Variants in CA10 observed in about 807,000 individuals in gnomAD.
CA10 encodes carbonic anhydrase-related protein 10.
A neutral mutation model predicts 44.2 loss-of-function variants in CA10; 14 were observed. The observed-to-expected ratio is 0.32, with a 90% CI of 0.21 to 0.50. The LOEUF (loss-of-function observed/expected upper bound fraction) is 0.50. Ranked by LOEUF, CA10 falls within the 20% of genes least tolerant of loss-of-function variation. The pLI is 0.99. For synonymous variants in CA10, 159 were observed against 141.6 expected (o/e 1.12, Z -0.87); for missense variants, 350 against 409.7 (o/e 0.85, Z 1.26).
chr17:51,802,861 G>T (rs990815858), intron 3 of CA10, among the ~76,000 whole-genome samples: 4 of 152,128 alleles, frequency 2.6e-5, no homozygotes, highest in Non-Finnish European at 4.4e-5. Flanking sequence ...AGCTCTATCT[G>T]CTTCCAGGCT....
chr17:51,789,626 T>C (rs1423378048), intron 3 of CA10, among the ~76,000 whole-genome samples: 1 of 152,134 alleles, frequency 6.6e-6, no homozygotes, highest in Non-Finnish European at 1.5e-5. Context: ...CTCTGCCCAC[T>C]CTTGCCTCCA....
chr17:51,758,944 T>G (rs79412789), intron 3 of CA10, among the ~76,000 whole-genome samples: 1 of 152,118 alleles, frequency 6.6e-6, no homozygotes, highest in African/African-American at 2.4e-5. Flanking sequence ...CTGTCCGATT[T>G]CAAAGTCAAT....
chr17:51,735,419 G>C (rs1190696605), intron 4 of CA10, among the ~76,000 whole-genome samples: 1 of 152,096 alleles, frequency 6.6e-6, no homozygotes, highest in East Asian at 1.9e-4. Flanking sequence ...TTGAAGAACT[G>C]ACTGATGGGT....
At position 52,131,707 on chromosome 17, in the gene CA10, C is replaced by T. The variant is rs574786458; in HGVS notation, c.61+26019G>A. Among the ~76,000 whole-genome samples the T allele has an allele frequency of 2.6e-4, 40 of 152,232 alleles. No homozygotes were observed. The East Asian group carries it at 6.6e-3, about 25-fold the overall frequency. On this transcript the variant is annotated intron_variant, in intron 1 of 8. Coordinates refer to ENST00000451037, the MANE Select transcript of CA10 (RefSeq NM_020178.5). ...AACTGGGTAACTTTCATTCTTTTAA[C>T]TTAAATCAGTTTCTGGATTTAGTTT...
At chr17:52,010,499 C>G (rs1385248272) in intron 2 of CA10, among the ~76,000 whole-genome samples, 1 of 151,828 alleles carries the variant, frequency 6.6e-6, no homozygotes, top group Non-Finnish European at 1.5e-5. Flanking sequence ...TGGAGATTAT[C>G]AATCTAAGGG....
At chr17:51,886,949 A>G (rs994399501) in intron 3 of CA10, among the ~76,000 whole-genome samples, 5 of 152,168 alleles carry the variant, frequency 3.3e-5, no homozygotes, top group African/African-American at 1.2e-4. Context: ...TACTTATGCC[A>G]TCAGCTCCCC....
At chr17:52,054,594 C>T (rs1306079584) in intron 2 of CA10, among the ~76,000 whole-genome samples, 1 of 152,044 alleles carries the variant, frequency 6.6e-6, no homozygotes, top group Non-Finnish European at 1.5e-5. Flanking sequence ...CTAACAAAAA[C>T]TTGCTGGTTT....
chr17:51,678,983 G>A (rs776384748), intron 4 of CA10, among the ~76,000 whole-genome samples: 1 of 152,178 alleles, frequency 6.6e-6, no homozygotes, highest in Non-Finnish European at 1.5e-5. Flanking sequence ...GTAGACTTAA[G>A]CTTTCTCCGT....
chr17:51,930,174 G>A (rs990977081), intron 3 of CA10, among the ~76,000 whole-genome samples: 3 of 152,036 alleles, frequency 2.0e-5, no homozygotes, highest in Admixed American at 1.3e-4. Context: ...ATTATCAAAA[G>A]TTGTCAATAA....
chr17:51,882,410 A>C (rs1393132854), intron 3 of CA10, among the ~76,000 whole-genome samples: 3 of 152,290 alleles, frequency 2.0e-5, no homozygotes, highest in East Asian at 1.9e-4. Context: ...GAATTGTCCC[A>C]AAACCTCAGC....
At chr17:51,748,302 C>T (rs185270451) in intron 3 of CA10, 6 of 169,530 alleles carry the variant, frequency 3.5e-5, no homozygotes, top group South Asian at 3.8e-4. Context: ...AATTCTCAAG[C>T]GTCCTATCTG....
intron 2 of CA10, among the ~76,000 whole-genome samples, chr17:51,981,527 A>G (rs1469554205): frequency 2.0e-5 from 3 of 152,000 alleles, no homozygotes; most frequent in Non-Finnish European, 4.4e-5. Flanking sequence ...AGAGTGGTTG[A>G]TTGAGAAAGG....
At chr17:51,921,671 A>T (rs1982239954) in intron 3 of CA10, among the ~76,000 whole-genome samples, 2 of 152,268 alleles carry the variant, frequency 1.3e-5, no homozygotes, top group Admixed American at 6.5e-5. Flanking sequence ...CAATGGCCTC[A>T]CTTGTCATGG....
intron 4 of CA10, among the ~76,000 whole-genome samples, chr17:51,692,403 CTATCTATCTATCTATCTATCTATT>C (rs1915238388): frequency 7.7e-6 from 1 of 129,396 alleles, no homozygotes; most frequent in African/African-American, 2.5e-5. Context: ...ATCTATCTAT[CTATCTATCTATCTATCTATCTATT>C]TTACCATTTA....
At position 52,157,663 on chromosome 17, in the gene CA10, C is replaced by T. The variant is rs1318640987; in HGVS notation, c.61+63G>A. 9 of 1,466,174 alleles carry T rather than the reference C, an allele frequency of 6.1e-6. No individual in the cohort carries two copies. In the African/African-American group the frequency reaches 1.1e-4, roughly 18 times the overall value. 90.8% of individuals were successfully genotyped at this position (1,466,174 alleles called of 1,614,324 possible). A position where few individuals can be genotyped will look rare whatever the true frequency, so the allele number is the denominator to read the frequency against. On this transcript the variant is annotated intron_variant, in intron 1 of 8. Transcript: ENST00000451037. ...GCCCCGCGGCTATATACAATAAAAC[C>T]CCATACACCCCAGACATCACAACAT...
At chr17:51,691,410 T>A (rs1915187772) in intron 4 of CA10, among the ~76,000 whole-genome samples, 1 of 152,222 alleles carries the variant, frequency 6.6e-6, no homozygotes, top group Non-Finnish European at 1.5e-5. Context: ...TGCCCATTTT[T>A]AAATCAGGTG....
chr17:52,158,060 G>C lies in CA10; in HGVS notation c.-274C>G. 1 of 541,100 alleles carries C rather than the reference G, an allele frequency of 1.8e-6. No individual in the cohort carries two copies. Among genetic ancestry groups the C allele is most frequent in the Non-Finnish European group, 3.3e-6 (1 of 302,672 alleles). The allele number at this position is 541,100 out of a possible 1,614,324, so 33.5% of individuals were successfully genotyped here. A position where few individuals can be genotyped will look rare whatever the true frequency, so the allele number is the denominator to read the frequency against. On this transcript the variant is annotated 5_prime_UTR_variant, in exon 1 of 9. Coordinates refer to ENST00000451037, the MANE Select transcript of CA10 (RefSeq NM_020178.5). ...CTGCCTTGGAGGTCTCCCCGCTCGCGTGTCTCTTCTCTTCGCACCAGCGGC... is the reference window on the plus strand; with the variant it reads ...CTGCCTTGGAGGTCTCCCCGCTCGCCTGTCTCTTCTCTTCGCACCAGCGGC...
rs370260672 is a variant in CA10, at chr17:51,861,543, G to GT, written c.279+69446dup. 7.6e-3 allele frequency among the ~76,000 whole-genome samples: 1,038 copies of GT among 137,394 alleles called. 4 individuals are homozygous for GT. Among genetic ancestry groups the GT allele is most frequent in the Middle Eastern group, 0.016 (4 of 258 alleles). The allele number at this position is 137,394 out of a possible 152,430, so 90.1% of individuals were successfully genotyped here. ...AACTAGGTCACTATTGCAGATGTGT[G>GT]TTTTTTTTTTTTTTAATGAGATGAT... On this transcript the variant is annotated intron_variant, in intron 3 of 8. Transcript: ENST00000451037.
At chr17:52,084,179 G>A (rs1001022433) in intron 1 of CA10, among the ~76,000 whole-genome samples, 4 of 152,156 alleles carry the variant, frequency 2.6e-5, no homozygotes, top group Admixed American at 6.5e-5. Flanking sequence ...TGTGGTCTTC[G>A]CTGGGACAAA....
Sources: gnomAD v4.1 joint callset for allele counts (sites outside exome capture counted in the v4.1 genomes callset) on GRCh38, gnomAD v4.1.1 for gene constraint, MANE v1.5 for transcripts, NCBI Gene and HGNC (gene_info 2026-07-23, HGNC 2026-07-21) for gene names.